The following CHTF18 variants were observed in gnomAD, a reference collection of about 807,000 sequenced individuals.
CHTF18 encodes the protein chromosome transmission fidelity factor 18.
In CHTF18, 151 loss-of-function variants were observed where a neutral mutation model predicts 113.4. The observed-to-expected ratio is 1.33, with a 90% CI of 1.17 to 1.52. The LOEUF (loss-of-function observed/expected upper bound fraction) is 1.52. CHTF18 is among the 40% of genes most tolerant of loss of function. The probability of loss-of-function intolerance (pLI) is 0.00; values close to 1 mark genes in which losing one functional copy is unlikely to be tolerated. For synonymous variants in CHTF18, 916 were observed against 598.8 expected (o/e 1.53, Z -7.74); for missense variants, 1,982 against 1,381.6 (o/e 1.43, Z -6.89).
At chr16:794,573 G>C (rs897254932) in intron 15 of CHTF18, 33 of 290,020 alleles carry the variant, frequency 1.1e-4, no homozygotes, top group South Asian at 2.4e-4. Flanking sequence ...AGTGCGGTGA[G>C]GGCTTCCTGC....
At chr16:793,819 G>A (rs979693531) in intron 14 of CHTF18, 15 of 646,850 alleles carry the variant, frequency 2.3e-5, no homozygotes, top group Non-Finnish European at 2.5e-5. Context: ...TAACCCCAGA[G>A]GGTCAGGGCA....
rs1464108179 is a variant in CHTF18, at chr16:789,131, T to C, written c.286+6T>C. ...GGCCGGGTCCCTGCCCCACGGTAGGTTGGCGGCATTGCCCCAGGGCCTCCG... is the reference window on the plus strand; with the variant it reads ...GGCCGGGTCCCTGCCCCACGGTAGGCTGGCGGCATTGCCCCAGGGCCTCCG... On this transcript the variant is annotated splice_donor_region_variant and intron_variant, in intron 2 of 21. Transcript: ENST00000262315. 1 of 1,544,584 alleles carries C rather than the reference T, an allele frequency of 6.5e-7. No individual in the cohort carries two copies. The highest frequency in any genetic ancestry group is 2.0e-5 in the Admixed American group (1 of 50,340).
chr16:797,050 G>A lies in CHTF18; in HGVS notation c.2691G>A (p.Gln897=). 1 of 1,557,584 alleles carries A rather than the reference G, an allele frequency of 6.4e-7. No homozygotes were observed. Among genetic ancestry groups the A allele is most frequent in the East Asian group, 2.3e-5 (1 of 43,856 alleles). The change falls in exon 20 of 22, where the codon CAG becomes CAA. Residue 897 remains glutamine, a synonymous_variant. Coordinates refer to ENST00000262315, the MANE Select transcript of CHTF18 (RefSeq NM_022092.3). ...VHRPAPRNHE[Q]RLEHIMRRAA... is the part of the protein sequence containing the mutation. Reference sequence around the variant, plus strand: ...GACCTGCCCCACGCAACCATGAGCAGCGGCTGGAGCACATCATGAGGCGAG... The same window carrying A: ...GACCTGCCCCACGCAACCATGAGCAACGGCTGGAGCACATCATGAGGCGAG...
chr16:796,696 G>A (rs754737150), intron 18 of CHTF18, 21 bp from the exon 19 acceptor site: 5 of 1,578,284 alleles, frequency 3.2e-6, no homozygotes, highest in Middle Eastern at 1.7e-4. Flanking sequence ...ACCTGCCCTG[G>A]TGTCCCCCTG....
intron 4 of CHTF18, 70 bp downstream of exon 4, chr16:789,785 T>C (rs1327447059): frequency 1.4e-6 from 2 of 1,465,498 alleles, no homozygotes; most frequent in Non-Finnish European, 1.8e-6. Context: ...TTGGAGCCCC[T>C]CACCCCTGCC....
At chr16:791,993 G>A (rs1224428243) in intron 9 of CHTF18, 45 bp downstream of exon 9, 18 of 1,570,214 alleles carry the variant, frequency 1.1e-5, no homozygotes, top group Middle Eastern at 1.7e-4. Flanking sequence ...CTGTCCTGAC[G>A]TGTTTGAGTT....
chr16:795,398 C>T lies in CHTF18; in HGVS notation c.2175+42C>T, dbSNP rs1248679285. 4 of 1,489,146 alleles carry T rather than the reference C, an allele frequency of 2.7e-6. No individual in the cohort carries two copies. The Admixed American group carries it at 6.0e-5, about 22-fold the overall frequency. The allele number at this position is 1,489,146 out of a possible 1,614,324, so 92.2% of individuals were successfully genotyped here. ...ACCACGCCTGCCCCCGGCCCCGTGC[C>T]CGCCCCCCTGTGCTGCCCGTGTGGC... is the stretch of plus-strand genomic sequence containing the variant. On this transcript the variant is annotated intron_variant, in intron 16 of 21. Coordinates refer to ENST00000262315, the MANE Select transcript of CHTF18 (RefSeq NM_022092.3).
rs1262056336 is a variant in CHTF18, at chr16:793,626, C to T, written c.1802+352C>T. 5.7e-6 allele frequency: 3 copies of T among 528,402 alleles called. No homozygotes were observed. The East Asian group carries it at 1.0e-4, about 18-fold the overall frequency. The allele number at this position is 528,402 out of a possible 1,614,324, so 32.7% of individuals were successfully genotyped here. A position where few individuals can be genotyped will look rare whatever the true frequency, so the allele number is the denominator to read the frequency against. On this transcript the variant is annotated intron_variant, in intron 14 of 21. Coordinates refer to ENST00000262315, the MANE Select transcript of CHTF18 (RefSeq NM_022092.3). Reference sequence around the variant, plus strand: ...CTGGGCTGTGGTCTCTGAGCCCCTGCCTGCCCACACTGCTTGGCCTCCCGT... The same window carrying T: ...CTGGGCTGTGGTCTCTGAGCCCCTGTCTGCCCACACTGCTTGGCCTCCCGT...
At position 792,814 on chromosome 16, in the gene CHTF18, C is replaced by A. The variant is rs1311315304; in HGVS notation, c.1572+3C>A. The A allele has an allele frequency of 2.6e-6, 4 of 1,539,980 alleles. No homozygotes were observed. In the South Asian group the frequency reaches 3.6e-5, roughly 14 times the overall value. ...GGCTGGTGCAGCGGCTCCAGGAGGT[C>A]GGTGGAGCCCCAGGAGCCGTGTGGC... On this transcript the variant is annotated splice_donor_region_variant and intron_variant, in intron 12 of 21. Transcript: ENST00000262315.
chr16:788,856 C>T (rs2042071566), intron 1 of CHTF18, 75 bp from the exon 2 acceptor site: 3 of 1,510,320 alleles, frequency 2.0e-6, no homozygotes, highest in Admixed American at 2.1e-5. Context: ...TGCCGGGGGC[C>T]GAAGGGGCCT....
At position 789,048 on chromosome 16, in the gene CHTF18, C is replaced by G; in HGVS notation, c.209C>G (p.Ser70Cys). The G allele has an allele frequency of 2.6e-6, 4 of 1,539,196 alleles. No individual in the cohort carries two copies. Among genetic ancestry groups the G allele is most frequent in the South Asian group, 2.4e-5 (2 of 83,412 alleles). ...DAASSPAPAA[S>C]VGSSQGGARK... ...GCCTCCAGTCCCGCCCCAGCCGCAT[C>G]TGTGGGCAGCAGCCAGGGCGGCGCC... The change falls in exon 2 of 22, where the codon TCT (serine) becomes TGT (cysteine). Residue 70 changes from serine (S) to cysteine (C), a missense_variant. Ser to Cys is a moderately radical substitution (Grantham distance 112). Transcript: ENST00000262315.
rs765889227 is a variant in CHTF18 at position 795,727 on chromosome 16, C to T, written c.2218C>T (p.Leu740=). 6.2e-7 allele frequency: 1 copy of T among 1,607,434 alleles called. No individual in the cohort carries two copies. Among genetic ancestry groups the T allele is most frequent in the South Asian group, 1.1e-5 (1 of 90,562 alleles). ...MSQMRNLIQT[L]VSGIAPATRS... is the part of the protein sequence containing the mutation. ...CCAGATGAGGAACCTGATCCAGACG[C>T]TGGTGTCCGGCATCGCGCCAGCCAC... The change falls in exon 17 of 22, where the codon CTG becomes TTG. Residue 740 remains leucine, a synonymous_variant. Coordinates refer to ENST00000262315, the MANE Select transcript of CHTF18 (RefSeq NM_022092.3).
In CHTF18 at chr16:795,610, C is replaced by T. The variant is rs575146856; in HGVS notation, c.2176-75C>T. 1.7e-4 allele frequency: 96 copies of T among 579,110 alleles called. No individual in the cohort carries two copies. The East Asian group carries it at 3.1e-3, about 19-fold the overall frequency. 35.9% of individuals were successfully genotyped at this position (579,110 alleles called of 1,614,324 possible). On this transcript the variant is annotated intron_variant, in intron 16 of 21. Transcript: ENST00000262315. ...CCCCCCTGTGCTGCCCGTGTGGCTGCCCTGGCCCCACCCACCATTCCCCCC... is the reference window on the plus strand; with the variant it reads ...CCCCCCTGTGCTGCCCGTGTGGCTGTCCTGGCCCCACCCACCATTCCCCCC...
In CHTF18 at chr16:789,671, G is replaced by C; in HGVS notation, c.562G>C (p.Ala188Pro). The C allele has an allele frequency of 6.2e-7, 1 of 1,602,658 alleles. No homozygotes were observed. Among genetic ancestry groups the C allele is most frequent in the Non-Finnish European group, 8.5e-7 (1 of 1,179,498 alleles). Residue 188 changes from alanine to proline, a missense_variant, in exon 4 of 22, where the codon GCT becomes CCT. By Grantham distance (27) the Ala-to-Pro change is conservative (BLOSUM62 -1). Transcript: ENST00000262315. ...VHVTSTEGVRAYLVLRADPMA... is the reference protein window; with the variant it reads ...VHVTSTEGVRPYLVLRADPMA... ...CGTGACATCCACGGAGGGCGTCCGGGCTTATCTGGTGCTGCGTGCTGACCC... is the reference window on the plus strand; with the variant it reads ...CGTGACATCCACGGAGGGCGTCCGGCCTTATCTGGTGCTGCGTGCTGACCC...
chr16:793,347 G>A (rs1423618134), intron 14 of CHTF18, 73 bp downstream of exon 14: 2 of 1,546,108 alleles, frequency 1.3e-6, no homozygotes, highest in East Asian at 2.4e-5. Context: ...CTGTGTGCAG[G>A]CCAGCACTAC....
intron 4 of CHTF18, 119 bp downstream of exon 4, chr16:789,834 G>A (rs1596745375): frequency 5.9e-6 from 8 of 1,355,756 alleles, no homozygotes; most frequent in Non-Finnish European, 7.0e-6. Flanking sequence ...CCCCAGGGGT[G>A]CAGAGGGGGA....
chr16:791,836 C>G lies in CHTF18; in HGVS notation c.1105-15C>G, dbSNP rs375090952. The stretch of plus-strand genomic sequence containing the variant: ...GGTGCGGTGCACACTACGCCTTCAT[C>G]TACCTGGGCTGCAGGTGGCACTGCT... On this transcript the variant is annotated splice_polypyrimidine_tract_variant and intron_variant, in intron 8 of 21. Coordinates refer to ENST00000262315, the MANE Select transcript of CHTF18 (RefSeq NM_022092.3). The G allele has an allele frequency of 3.1e-6, 5 of 1,592,272 alleles. No individual in the cohort carries two copies. Among genetic ancestry groups the G allele is most frequent in the Non-Finnish European group, 3.4e-6 (4 of 1,170,598 alleles).
intron 15 of CHTF18, 162 bp from the exon 16 acceptor site, chr16:794,970 C>T (rs949911511): frequency 5.8e-5 from 36 of 622,098 alleles, no homozygotes; most frequent in Non-Finnish European, 9.0e-5. Context: ...GTGCTGCTGC[C>T]TCAGACGCCC....
At position 789,209 on chromosome 16, in the gene CHTF18, G is replaced by T; in HGVS notation, c.287-1G>T. ...TGGTTCCCTGCATGTGTCTCCCCCA[G>T]CCCCCAGGATCAAACGGCCTAGGCT... On this transcript the variant is annotated splice_acceptor_variant, in intron 2 of 21. Transcript: ENST00000262315. LOFTEE classifies it high-confidence loss of function. The T allele has an allele frequency of 6.4e-7, 1 of 1,550,994 alleles. No homozygotes were observed. Among genetic ancestry groups the T allele is most frequent in the Non-Finnish European group, 8.7e-7 (1 of 1,147,356 alleles).
Sources: allele counts gnomAD v4.1 joint callset, GRCh38; gene constraint gnomAD v4.1.1; transcripts MANE v1.5; gene names NCBI Gene and HGNC (gene_info 2026-07-23, HGNC 2026-07-21).